BRINP1: variants seen among roughly 807,000 people sequenced by gnomAD.
BRINP1 encodes BMP/retinoic acid inducible neural specific 1.
BRINP1 carries 17 observed loss-of-function variants against 72.9 expected under a neutral mutation model. That is an observed-to-expected ratio of 0.23 (90% CI 0.16 to 0.35). BRINP1 has a LOEUF of 0.35. Ranked by LOEUF, BRINP1 falls within the 10% of genes least tolerant of loss-of-function variation. BRINP1 has a pLI of 1.00. For synonymous variants in BRINP1, 418 were observed against 378.5 expected, an observed-to-expected ratio of 1.10 and a Z score of -1.21; for missense variants, 850 against 1,001.6, an observed-to-expected ratio of 0.85 and a Z score of 2.04.
chr9:119,274,303 A>C (rs1442702857), intron 2 of BRINP1, among the ~76,000 whole-genome samples: 1 of 152,208 alleles, frequency 6.6e-6, no homozygotes, highest in East Asian at 1.9e-4. Flanking sequence ...GCTGGCCTTA[A>C]GTGATCCAGC....
chr9:119,230,394 C>G (rs560538079), intron 5 of BRINP1, among the ~76,000 whole-genome samples: 1 of 152,122 alleles, frequency 6.6e-6, no homozygotes, highest in South Asian at 2.1e-4. Flanking sequence ...TGCTGTGAGT[C>G]AACGGATCAG....
chr9:119,326,747 C>A (rs1831245430), intron 1 of BRINP1, among the ~76,000 whole-genome samples: 1 of 151,982 alleles, frequency 6.6e-6, no homozygotes, highest in African/African-American at 2.4e-5. Context: ...AATTGGCTCT[C>A]ACAGTCCAGA....
At chr9:119,349,946 C>G (rs890294821) in intron 1 of BRINP1, among the ~76,000 whole-genome samples, 1 of 152,220 alleles carries the variant, frequency 6.6e-6, no homozygotes, top group Non-Finnish European at 1.5e-5. Context: ...CACTCTCCAG[C>G]ATTTGCTTCC....
intron 7 of BRINP1, among the ~76,000 whole-genome samples, chr9:119,175,571 CCATT>C (rs1829478625): frequency 6.6e-6 from 1 of 152,088 alleles, no homozygotes; most frequent in South Asian, 2.1e-4. Context: ...TCCAAACTCT[CCATT>C]CAGTTGATTT....
intron 5 of BRINP1, among the ~76,000 whole-genome samples, chr9:119,226,901 T>C (rs950594721): frequency 2.0e-5 from 3 of 151,898 alleles, no homozygotes; most frequent in Non-Finnish European, 2.9e-5. Context: ...GAAGCAAAAT[T>C]ATGTAGAGTT....
chr9:119,254,432 G>GA, intron 2 of BRINP1, among the ~76,000 whole-genome samples: 1 of 152,150 alleles, frequency 6.6e-6, no homozygotes, highest in Admixed American at 6.5e-5. Context: ...AATGTTCCCG[G>GA]AAAAAAATAA....
At chr9:119,214,188 AG>A in intron 5 of BRINP1, 33 bp from the exon 6 acceptor site, 1 of 1,527,862 alleles carries the variant, frequency 6.5e-7, no homozygotes, top group South Asian at 1.1e-5. Flanking sequence ...GAAAACAGAA[AG>A]GTTTAAAAAA....
chr9:119,278,894 G>GCAA (rs1160697882), intron 2 of BRINP1, among the ~76,000 whole-genome samples: 2 of 151,878 alleles, frequency 1.3e-5, no homozygotes, highest in Non-Finnish European at 2.9e-5. Flanking sequence ...CTCAAAAACA[G>GCAA]CAACAACAAC....
At chr9:119,193,212 T>C (rs1829700624) in intron 7 of BRINP1, among the ~76,000 whole-genome samples, 2 of 152,174 alleles carry the variant, frequency 1.3e-5, no homozygotes, top group Admixed American at 1.3e-4. Flanking sequence ...AGGCTGACCA[T>C]ATGTATATGA....
At chr9:119,205,033 A>G in intron 7 of BRINP1, among the ~76,000 whole-genome samples, 1 of 152,212 alleles carries the variant, frequency 6.6e-6, no homozygotes. Flanking sequence ...CAATCAGTTC[A>G]TTTGCAAATA....
chr9:119,369,304 C>G lies in BRINP1; in HGVS notation c.-299G>C, dbSNP rs1831730195. On this transcript the variant is annotated 5_prime_UTR_variant, in exon 1 of 8. Coordinates refer to ENST00000265922, the MANE Select transcript of BRINP1 (RefSeq NM_014618.3). The stretch of plus-strand genomic sequence containing the variant: ...ACTACTCCCTCTGCCTCCCGGCTCT[C>G]TCGCTCTCGCTCTCGCTGTTGCTCG... The G allele has an allele frequency of 2.5e-6, 1 of 398,668 alleles. No homozygotes were observed. Among genetic ancestry groups the G allele is most frequent in the South Asian group, 1.3e-4 (1 of 7,862 alleles). 24.7% of individuals were successfully genotyped at this position (398,668 alleles called of 1,614,324 possible).
intron 2 of BRINP1, among the ~76,000 whole-genome samples, chr9:119,258,576 AC>A (rs1830468022): frequency 6.6e-6 from 1 of 152,220 alleles, no homozygotes; most frequent in Non-Finnish European, 1.5e-5. Context: ...TTAGGCACTC[AC>A]GGCCATCACT....
chr9:119,183,169 C>T lies in BRINP1; in HGVS notation c.1146-14945G>A, dbSNP rs930158520. 3.9e-5 allele frequency among the ~76,000 whole-genome samples: 6 copies of T among 152,184 alleles called. No individual in the cohort carries two copies. The East Asian group carries it at 9.7e-4, about 24-fold the overall frequency. ...TACAGTACATCCCAGCAATTCCATG[C>T]CTAATATGTACACAACCAAAAGGCA... is the stretch of plus-strand genomic sequence containing the variant. On this transcript the variant is annotated intron_variant, in intron 7 of 7. Coordinates refer to ENST00000265922, the MANE Select transcript of BRINP1 (RefSeq NM_014618.3).
intron 1 of BRINP1, among the ~76,000 whole-genome samples, chr9:119,340,622 G>A (rs1831396809): frequency 6.6e-6 from 1 of 152,198 alleles, no homozygotes; most frequent in African/African-American, 2.4e-5. Flanking sequence ...TTGAGTCACT[G>A]ATACTCTCCA....
At chr9:119,232,282 A>G (rs1459745418) in intron 5 of BRINP1, among the ~76,000 whole-genome samples, 2 of 152,178 alleles carry the variant, frequency 1.3e-5, no homozygotes, top group Non-Finnish European at 2.9e-5. Context: ...GATCTAAGCC[A>G]CTGTGTTCTC....
chr9:119,166,907 C>T lies in BRINP1; in HGVS notation c.*177G>A, dbSNP rs149175115. 157 of 667,778 alleles carry T rather than the reference C, an allele frequency of 2.4e-4. No individual in the cohort carries two copies. The East Asian group carries it at 3.5e-3, about 15-fold the overall frequency. 41.4% of individuals were successfully genotyped at this position (667,778 alleles called of 1,614,324 possible). ...GTATAGAAATAACAAACATGCCCAA[C>T]GCTTTTATACAGTTGCTAGAACGTT... On this transcript the variant is annotated 3_prime_UTR_variant, in exon 8 of 8. Coordinates refer to ENST00000265922, the MANE Select transcript of BRINP1 (RefSeq NM_014618.3).
At chr9:119,353,928 C>T (rs1029756962) in intron 1 of BRINP1, among the ~76,000 whole-genome samples, 1 of 140,132 alleles carries the variant, frequency 7.1e-6, no homozygotes, top group Non-Finnish European at 1.5e-5. Context: ...CAGAGCAGGC[C>T]TCAATAGATC....
intron 7 of BRINP1, among the ~76,000 whole-genome samples, chr9:119,185,762 T>C (rs1829610239): frequency 6.6e-6 from 1 of 152,180 alleles, no homozygotes; most frequent in Non-Finnish European, 1.5e-5. Flanking sequence ...TCATGGGCCC[T>C]GAGCCCAGTT....
intron 2 of BRINP1, among the ~76,000 whole-genome samples, chr9:119,251,262 G>A (rs1407663482): frequency 1.3e-5 from 2 of 152,148 alleles, no homozygotes; most frequent in African/African-American, 2.4e-5. Context: ...GAATGCACAT[G>A]TCACAGTCCC....
Sources: gnomAD v4.1 joint callset for allele counts (sites outside exome capture counted in the v4.1 genomes callset) on GRCh38, gnomAD v4.1.1 for gene constraint, MANE v1.5 for transcripts, NCBI Gene and HGNC (gene_info 2026-07-23, HGNC 2026-07-21) for gene names.